The following WDR88 variants were observed in gnomAD, a reference collection of about 807,000 sequenced individuals.
WDR88 encodes WD repeat domain 88.
WDR88 carries 40 observed loss-of-function variants against 46.8 expected under a neutral mutation model. The ratio of observed to expected loss-of-function variants is 0.86; its 90% CI spans 0.66 to 1.11. The LOEUF (loss-of-function observed/expected upper bound fraction) is 1.11, where lower values mean the gene tolerates loss of function less well. WDR88 is among the 50% of genes most tolerant of loss of function. WDR88 has a pLI of 0.00. For synonymous variants in WDR88, 235 were observed against 240.7 expected, an observed-to-expected ratio of 0.98 and a Z score of 0.22; for missense variants, 562 against 602.4, an observed-to-expected ratio of 0.93 and a Z score of 0.70.
At position 33,132,240 on chromosome 19, in the gene WDR88, C is replaced by T. The variant is rs756925010; in HGVS notation, c.71C>T (p.Pro24Leu). 3.7e-6 allele frequency: 6 copies of T among 1,611,736 alleles called. No individual in the cohort carries two copies. Among genetic ancestry groups the T allele is most frequent in the Non-Finnish European group, 5.1e-6 (6 of 1,179,910 alleles). ...TGCAAGTTGCCGCCACCCTCCGCCC[C>T]CGCCAGCGAGTATTGTCCCGGCAAG... ...RECKLPPPSAPASEYCPGKLS... is the reference protein window; with the variant it reads ...RECKLPPPSALASEYCPGKLS... Residue 24 changes from proline to leucine, a missense_variant, in exon 1 of 11, where the codon CCC becomes CTC. Pro to Leu is a moderately conservative substitution (Grantham distance 98). Transcript: ENST00000355868.
In WDR88 at chr19:33,145,091, C is replaced by T. The variant is rs139323850; in HGVS notation, c.476+159C>T. 2.7e-3 allele frequency among the ~76,000 whole-genome samples: 416 copies of T among 152,324 alleles called. 1 individual carries two copies. The highest frequency in any genetic ancestry group is 5.0e-3 in the Admixed American group (76 of 15,290). On this transcript the variant is annotated intron_variant, in intron 3 of 10. Transcript: ENST00000355868. ...CGAACCTGTGGTCTCAAGCGATTCT[C>T]CTCCTGCATTGGCCTCCCAAAGTGT... is the stretch of plus-strand genomic sequence containing the variant.
chr19:33,132,531 A>C, intron 1 of WDR88, 86 bp downstream of exon 1: 1 of 1,546,356 alleles, frequency 6.5e-7, no homozygotes, highest in African/African-American at 1.4e-5. Flanking sequence ...ACCCATGGAA[A>C]ACCCACCTGG....
intron 7 of WDR88, 116 bp downstream of exon 7, chr19:33,156,658 G>T: frequency 1.6e-6 from 2 of 1,224,214 alleles, no homozygotes; most frequent in Non-Finnish European, 2.2e-6. Context: ...AGGGAGGGCG[G>T]ATTCTTCCCC....
intron 1 of WDR88, among the ~76,000 whole-genome samples, chr19:33,135,839 C>T (rs1204980101): frequency 6.6e-6 from 1 of 152,206 alleles, no homozygotes; most frequent in Non-Finnish European, 1.5e-5. Flanking sequence ...GCCATCCTAA[C>T]AAATATGACA....
At chr19:33,158,266 T>C (rs929268881) in intron 7 of WDR88, among the ~76,000 whole-genome samples, 4 of 151,974 alleles carry the variant, frequency 2.6e-5, no homozygotes, top group Non-Finnish European at 5.9e-5. Context: ...CTGGGCAACT[T>C]TCCCTCTTCA....
chr19:33,170,669 T>C (rs1024320290), intron 9 of WDR88, among the ~76,000 whole-genome samples: 4 of 151,984 alleles, frequency 2.6e-5, no homozygotes, highest in African/African-American at 9.7e-5. Context: ...GAGACCAGCC[T>C]GGGCAACGTG....
At chr19:33,147,089 T>C (rs1379962774) in intron 3 of WDR88, among the ~76,000 whole-genome samples, 1 of 145,490 alleles carries the variant, frequency 6.9e-6, no homozygotes. Flanking sequence ...GAGAAAAAAA[T>C]AGCCAGGCAT....
chr19:33,157,575 G>GTA (rs1234450540), intron 7 of WDR88, among the ~76,000 whole-genome samples: 36 of 140,704 alleles, frequency 2.6e-4, no homozygotes, highest in African/African-American at 8.7e-4. Context: ...GTATATATGT[G>GTA]TATATATATG....
intron 10 of WDR88, chr19:33,174,032 A>G (rs1974083831): frequency 2.7e-6 from 2 of 731,518 alleles, no homozygotes; most frequent in Non-Finnish European, 4.4e-6. Context: ...TTGTGTTTTT[A>G]TTAGAGACGG....
chr19:33,165,547 A>T (rs1266634897), intron 9 of WDR88, among the ~76,000 whole-genome samples: 1 of 152,218 alleles, frequency 6.6e-6, no homozygotes, highest in Non-Finnish European at 1.5e-5. Flanking sequence ...GAACAGCGAC[A>T]ATTAGTAGTA....
At chr19:33,165,389 A>G (rs1466378157) in intron 9 of WDR88, among the ~76,000 whole-genome samples, 14 of 152,170 alleles carry the variant, frequency 9.2e-5, no homozygotes, top group Non-Finnish European at 1.5e-5. Flanking sequence ...ATAATAATAC[A>G]ATATATAGCA....
At chr19:33,150,217 C>G (rs924776816) in intron 5 of WDR88, among the ~76,000 whole-genome samples, 1 of 151,746 alleles carries the variant, frequency 6.6e-6, no homozygotes, top group Non-Finnish European at 1.5e-5. Flanking sequence ...TTTGGGAGGC[C>G]GAGGCTGGTG....
intron 2 of WDR88, among the ~76,000 whole-genome samples, chr19:33,141,225 A>ATTTTTTTTTTTTTTTTTTT (rs1204283264): frequency 1.4e-5 from 1 of 69,270 alleles, no homozygotes; most frequent in African/African-American, 1.3e-4. Flanking sequence ...GTGTGGGAGC[A>ATTTTTTTTTTTTTTTTTTT]TGTTTTTTTT....
chr19:33,132,767 A>G (rs986474254), intron 1 of WDR88, among the ~76,000 whole-genome samples: 15 of 152,202 alleles, frequency 9.9e-5, no homozygotes, highest in Non-Finnish European at 2.2e-4. Flanking sequence ...ACCCACAGTG[A>G]TGCTCCTAAT....
chr19:33,155,828 G>T (rs1599901308), intron 6 of WDR88, among the ~76,000 whole-genome samples: 1 of 152,204 alleles, frequency 6.6e-6, no homozygotes, highest in African/African-American at 2.4e-5. Flanking sequence ...ACTGGGTGTG[G>T]GGGTTCCTGG....
intron 6 of WDR88, among the ~76,000 whole-genome samples, chr19:33,152,582 C>T (rs1973656925): frequency 6.6e-6 from 1 of 152,116 alleles, no homozygotes; most frequent in Admixed American, 6.6e-5. Flanking sequence ...TTGTAGCCTG[C>T]ATCAGAACAT....
At chr19:33,139,918 G>A (rs542793844) in intron 2 of WDR88, among the ~76,000 whole-genome samples, 1 of 152,262 alleles carries the variant, frequency 6.6e-6, no homozygotes, top group South Asian at 2.1e-4. Context: ...TACCAGCTGT[G>A]TGACCCTGGG....
chr19:33,147,657 A>C lies in WDR88; in HGVS notation c.489A>C (p.Ala163=), dbSNP rs756564656. The change falls in exon 4 of 11, where the codon GCA becomes GCC. Residue 163 remains alanine (A), a synonymous_variant. Transcript: ENST00000355868. The part of the protein sequence containing the change: ...ITGDSSRVIA[A]SYDKTVRAWD... ...ATCTTATTTCCAGAGTCATTGCCGCATCCTATGATAAGACAGTGAGGGCCT... is the reference window on the plus strand; with the variant it reads ...ATCTTATTTCCAGAGTCATTGCCGCCTCCTATGATAAGACAGTGAGGGCCT... 5 of 1,613,896 alleles carry C rather than the reference A, an allele frequency of 3.1e-6. No homozygotes were observed. In the South Asian group the frequency reaches 5.5e-5, roughly 18 times the overall value.
chr19:33,149,247 C>T (rs759934468), intron 5 of WDR88, among the ~76,000 whole-genome samples: 7 of 151,960 alleles, frequency 4.6e-5, no homozygotes, highest in Non-Finnish European at 7.4e-5. Context: ...CACTTGAACC[C>T]GGAGGTGGAG....
Sources: gnomAD v4.1 joint callset for allele counts (sites outside exome capture counted in the v4.1 genomes callset) on GRCh38, gnomAD v4.1.1 for gene constraint, MANE v1.5 for transcripts, NCBI Gene and HGNC (gene_info 2026-07-23, HGNC 2026-07-21) for gene names.